The following SFXN5 variants were observed in gnomAD, a reference collection of about 807,000 sequenced individuals.
SFXN5 encodes sideroflexin-5.
Under a neutral mutation model 50.2 loss-of-function variants are expected in SFXN5, and 43 were observed. The ratio of observed to expected loss-of-function variants is 0.86; its 90% CI spans 0.67 to 1.11. SFXN5 has a LOEUF of 1.11. SFXN5 is among the 50% of genes least tolerant of loss of function. The pLI is 0.00. For synonymous variants in SFXN5, 203 were observed against 185.8 expected (o/e 1.09, Z -0.75); for missense variants, 463 against 454.1 (o/e 1.02, Z -0.18).
intron 3 of SFXN5, among the ~76,000 whole-genome samples, chr2:73,032,370 A>C (rs1360146205): frequency 2.6e-5 from 4 of 152,238 alleles, no homozygotes; most frequent in African/African-American, 9.7e-5. Context: ...CTCCAACAAC[A>C]AATCAGTGTG....
Position 72,958,192 on chromosome 2 carries a change from C to G in SFXN5, c.945+2939G>C, listed in dbSNP as rs573471682. 2.0e-5 allele frequency among the ~76,000 whole-genome samples: 3 copies of G among 152,310 alleles called. No individual in the cohort carries two copies. In the South Asian group the frequency reaches 6.2e-4, roughly 32 times the overall value. On this transcript the variant is annotated intron_variant, in intron 13 of 13. Coordinates refer to ENST00000272433, the MANE Select transcript of SFXN5 (RefSeq NM_144579.3). ...CCAAAGACCTACAGCTCTTCTAGACCGTTTCCTACCACCCACCACAGTGCA... is the reference window on the plus strand; with the variant it reads ...CCAAAGACCTACAGCTCTTCTAGACGGTTTCCTACCACCCACCACAGTGCA...
chr2:73,000,171 C>T (rs1039462015), intron 8 of SFXN5, among the ~76,000 whole-genome samples: 1 of 152,232 alleles, frequency 6.6e-6, no homozygotes, highest in African/African-American at 2.4e-5. Flanking sequence ...TGCACTGCTC[C>T]CATTTAATGG....
intron 10 of SFXN5, among the ~76,000 whole-genome samples, chr2:72,979,955 A>G (rs1671086920): frequency 6.6e-6 from 1 of 152,196 alleles, no homozygotes; most frequent in Admixed American, 6.5e-5. Flanking sequence ...TCTATTATGT[A>G]TTATCAGAAA....
At chr2:72,947,710 T>TG (rs1672110792) in intron 13 of SFXN5, among the ~76,000 whole-genome samples, 1 of 152,200 alleles carries the variant, frequency 6.6e-6, no homozygotes, top group Non-Finnish European at 1.5e-5. Flanking sequence ...CTGTAGTCGC[T>TG]GGTACCCCGT....
In SFXN5 at chr2:73,022,562, C is replaced by G. The variant is rs148308830; in HGVS notation, c.291G>C (p.Pro97=). 2.8e-6 allele frequency: 4 copies of G among 1,411,028 alleles called. No homozygotes were observed. Among genetic ancestry groups the G allele is most frequent in the Admixed American group, 4.0e-5 (2 of 49,670 alleles). The allele number at this position is 1,411,028 out of a possible 1,614,324, so 87.4% of individuals were successfully genotyped here. Reference sequence around the variant, plus strand: ...GCATGAAGATCTTCTCATTGGTGTCCGGATGTAGAATAGCCTGGCAAAAGC... The same window carrying G: ...GCATGAAGATCTTCTCATTGGTGTCGGGATGTAGAATAGCCTGGCAAAAGC... The part of the protein sequence containing the change: ...AQKIKQAILH[P]DTNEKIFMPF... Residue 97 remains proline, a synonymous_variant, in exon 5 of 14, where the codon CCG becomes CCC. Coordinates refer to ENST00000272433, the MANE Select transcript of SFXN5 (RefSeq NM_144579.3).
At chr2:73,035,240 T>C (rs970041991) in intron 3 of SFXN5, among the ~76,000 whole-genome samples, 3 of 151,136 alleles carry the variant, frequency 2.0e-5, no homozygotes, top group Admixed American at 2.0e-4. Context: ...CCCACCCACC[T>C]CCTCCATCCA....
intron 13 of SFXN5, among the ~76,000 whole-genome samples, chr2:72,959,606 C>A (rs1673480435): frequency 1.3e-5 from 2 of 152,024 alleles, no homozygotes; most frequent in East Asian, 3.9e-4. Context: ...CTGAACCCTA[C>A]CCCCAGCAGC....
chr2:73,023,269 C>A, intron 3 of SFXN5, 55 bp from the exon 4 acceptor site: 2 of 1,515,466 alleles, frequency 1.3e-6, no homozygotes, highest in Non-Finnish European at 1.8e-6. Context: ...AAGCATATAT[C>A]GGTTTAAGGC....
At chr2:72,984,363 C>A (rs983633174) in intron 10 of SFXN5, among the ~76,000 whole-genome samples, 3 of 152,252 alleles carry the variant, frequency 2.0e-5, no homozygotes, top group Non-Finnish European at 4.4e-5. Flanking sequence ...TGTGCACACA[C>A]ACACTCTGAA....
At chr2:73,012,868 T>C (rs1235608187) in intron 6 of SFXN5, among the ~76,000 whole-genome samples, 10 of 152,014 alleles carry the variant, frequency 6.6e-5, no homozygotes, top group Admixed American at 6.6e-4. Context: ...CCTATGTGGG[T>C]AGCGTTAGGT....
At chr2:73,057,963 C>T (rs946183831) in intron 2 of SFXN5, 2 of 152,164 alleles carry the variant, frequency 1.3e-5, no homozygotes, top group Non-Finnish European at 2.9e-5. Context: ...TACCCAGTCT[C>T]GGGAATTTCT....
chr2:72,947,383 T>G (rs930115388), intron 13 of SFXN5, among the ~76,000 whole-genome samples: 1 of 152,204 alleles, frequency 6.6e-6, no homozygotes, highest in Non-Finnish European at 1.5e-5. Flanking sequence ...CCCGTGGGGA[T>G]GCCTGAGCCC....
intron 1 of SFXN5, among the ~76,000 whole-genome samples, chr2:73,060,971 GA>G (rs1559220709): frequency 1.3e-5 from 2 of 151,398 alleles, no homozygotes; most frequent in East Asian, 2.0e-4. Flanking sequence ...GAAGTGCTGG[GA>G]TTACAGGCGT....
chr2:73,039,595 A>T (rs1679360386), intron 3 of SFXN5, among the ~76,000 whole-genome samples: 1 of 152,156 alleles, frequency 6.6e-6, no homozygotes, highest in Admixed American at 6.5e-5. Context: ...CTGAATCCTC[A>T]ACTACCATAA....
chr2:73,041,743 C>T (rs552302001), intron 2 of SFXN5: 7 of 301,284 alleles, frequency 2.3e-5, no homozygotes, highest in Non-Finnish European at 4.2e-5. Context: ...TATTTTGTCA[C>T]CCAGGCTGGA....
chr2:73,059,626 C>T (rs1574266329), intron 1 of SFXN5: 10 of 885,816 alleles, frequency 1.1e-5, no homozygotes, highest in African/African-American at 1.9e-5. Context: ...CACCATGGCA[C>T]CCCTGCATGA....
intron 9 of SFXN5, among the ~76,000 whole-genome samples, chr2:72,990,501 G>A (rs1672463509): frequency 6.6e-6 from 1 of 152,200 alleles, no homozygotes; most frequent in African/African-American, 2.4e-5. Flanking sequence ...ACGCAGACGG[G>A]CAGTAGCAAT....
At chr2:72,969,186 C>T (rs888863161) in intron 11 of SFXN5, among the ~76,000 whole-genome samples, 1 of 152,136 alleles carries the variant, frequency 6.6e-6, no homozygotes, top group African/African-American at 2.4e-5. Flanking sequence ...ACTCAGGCAG[C>T]CCCAGGAAGG....
chr2:73,006,337 T>C (rs1023840253), intron 6 of SFXN5, among the ~76,000 whole-genome samples: 1 of 152,136 alleles, frequency 6.6e-6, no homozygotes, highest in African/African-American at 2.4e-5. Flanking sequence ...TAAGAATGAA[T>C]GCTTACAGGC....
Sources: gnomAD v4.1 joint callset for allele counts (sites outside exome capture counted in the v4.1 genomes callset) on GRCh38, gnomAD v4.1.1 for gene constraint, MANE v1.5 for transcripts, NCBI Gene and HGNC (gene_info 2026-07-23, HGNC 2026-07-21) for gene names.